Variants in RBMS3 observed in about 807,000 individuals in gnomAD.
The protein encoded by RBMS3 is RNA-binding motif, single-stranded-interacting protein 3.
RBMS3 carries 27 observed loss-of-function variants against 66.8 expected under a neutral mutation model. That is an observed-to-expected ratio of 0.40 (90% CI 0.30 to 0.56). RBMS3 has a LOEUF of 0.56. RBMS3 is among the 20% of genes least tolerant of loss of function. The pLI is 0.40. For synonymous variants in RBMS3, 188 were observed against 183.0 expected (o/e 1.03, Z -0.22); for missense variants, 513 against 549.5 (o/e 0.93, Z 0.66).
At chr3:29,923,029 C>T (rs1306732061) in intron 10 of RBMS3, among the ~76,000 whole-genome samples, 2 of 152,198 alleles carry the variant, frequency 1.3e-5, no homozygotes, top group Non-Finnish European at 2.9e-5. Context: ...GCTATTGCTT[C>T]ATTATCCCTT....
At chr3:29,790,582 A>T (rs1192621321) in intron 6 of RBMS3, among the ~76,000 whole-genome samples, 1 of 152,114 alleles carries the variant, frequency 6.6e-6, no homozygotes, top group Non-Finnish European at 1.5e-5. Flanking sequence ...GCCTACATAG[A>T]TGTCAGAGAT....
At chr3:29,778,776 C>T (rs2056515802) in intron 6 of RBMS3, among the ~76,000 whole-genome samples, 1 of 151,800 alleles carries the variant, frequency 6.6e-6, no homozygotes, top group Non-Finnish European at 1.5e-5. Context: ...GCAAGATTGG[C>T]TATGGATTAA....
chr3:29,504,658 G>T (rs879054060), intron 3 of RBMS3, among the ~76,000 whole-genome samples: 1 of 151,856 alleles, frequency 6.6e-6, no homozygotes, highest in Admixed American at 6.6e-5. Context: ...AATTTTTTGA[G>T]AAACCTCTAT....
intron 3 of RBMS3, among the ~76,000 whole-genome samples, chr3:29,537,842 A>C (rs916969273): frequency 2.0e-5 from 3 of 149,446 alleles, no homozygotes; most frequent in Admixed American, 6.6e-5. Context: ...AAAAAAAAGA[A>C]AGAAAGAAAA....
intron 2 of RBMS3, among the ~76,000 whole-genome samples, chr3:29,476,750 T>TA (rs200359213): frequency 4.1e-4 from 63 of 151,898 alleles, no homozygotes; most frequent in African/African-American, 1.2e-3. Flanking sequence ...ATGTAATTTT[T>TA]AAAAAAAAAT....
intron 4 of RBMS3, among the ~76,000 whole-genome samples, chr3:29,696,591 C>T (rs1283060934): frequency 2.0e-5 from 3 of 152,184 alleles, no homozygotes; most frequent in South Asian, 4.1e-4. Context: ...CTCTTTTCTG[C>T]ACGAAGGCCA....
intron 6 of RBMS3, among the ~76,000 whole-genome samples, chr3:29,853,462 A>T (rs1395427555): frequency 3.5e-5 from 4 of 113,322 alleles, no homozygotes; most frequent in African/African-American, 1.7e-4. Context: ...GCAAGATTTA[A>T]TAGAGTGAAA....
intron 6 of RBMS3, among the ~76,000 whole-genome samples, chr3:29,855,632 C>G (rs2059054419): frequency 6.6e-6 from 1 of 152,132 alleles, no homozygotes; most frequent in African/African-American, 2.4e-5. Flanking sequence ...TCCTGAGAGA[C>G]TTATTAAATA....
chr3:29,914,572 A>T (rs1445024897), intron 10 of RBMS3, among the ~76,000 whole-genome samples: 1 of 151,792 alleles, frequency 6.6e-6, no homozygotes. Context: ...AAATGCTTGC[A>T]TATGCCCCTT....
At chr3:29,704,991 C>T (rs1211382264) in intron 4 of RBMS3, among the ~76,000 whole-genome samples, 1 of 152,182 alleles carries the variant, frequency 6.6e-6, no homozygotes, top group African/African-American at 2.4e-5. Flanking sequence ...CATAATTAAA[C>T]TGTTACCGCA....
At chr3:29,601,937 C>A (rs1293363187) in intron 4 of RBMS3, among the ~76,000 whole-genome samples, 1 of 152,004 alleles carries the variant, frequency 6.6e-6, no homozygotes, top group Non-Finnish European at 1.5e-5. Context: ...TGTATTCCTT[C>A]CCCACCTTGG....
intron 4 of RBMS3, among the ~76,000 whole-genome samples, chr3:29,589,724 G>A (rs2047660396): frequency 1.3e-5 from 2 of 152,054 alleles, no homozygotes; most frequent in African/African-American, 4.8e-5. Context: ...AGTCTGCTGG[G>A]TGTGTGAAAC....
intron 6 of RBMS3, among the ~76,000 whole-genome samples, chr3:29,807,618 A>G (rs1249540274): frequency 6.6e-6 from 1 of 151,960 alleles, no homozygotes; most frequent in Non-Finnish European, 1.5e-5. Context: ...TTTTCAGTGT[A>G]CAATGCAGTA....
chr3:29,740,055 G>A (rs925912110), intron 5 of RBMS3, 178 bp downstream of exon 5: 10 of 468,846 alleles, frequency 2.1e-5, no homozygotes, highest in Non-Finnish European at 3.6e-5. Flanking sequence ...TAATTTCAAT[G>A]TAATTATAAA....
At chr3:29,363,799 TAAAAA>T (rs35770680) in intron 1 of RBMS3, among the ~76,000 whole-genome samples, 6 of 142,788 alleles carry the variant, frequency 4.2e-5, no homozygotes, top group Non-Finnish European at 7.6e-5. Flanking sequence ...CAAAAACAAT[TAAAAA>T]AAAAAAAAAA....
intron 10 of RBMS3, among the ~76,000 whole-genome samples, chr3:29,909,021 G>GA (rs1281910341): frequency 6.6e-6 from 1 of 151,854 alleles, no homozygotes; most frequent in Non-Finnish European, 1.5e-5. Context: ...GGGCTAAAAT[G>GA]AAAAAAGAGA....
At chr3:29,463,493 C>T (rs1298479936) in intron 2 of RBMS3, among the ~76,000 whole-genome samples, 1 of 152,002 alleles carries the variant, frequency 6.6e-6, no homozygotes, top group African/African-American at 2.4e-5. Flanking sequence ...CTCGCCATTG[C>T]TCCCTTTCCA....
chr3:29,758,358 G>A (rs990575466), intron 5 of RBMS3, among the ~76,000 whole-genome samples: 1 of 152,176 alleles, frequency 6.6e-6, no homozygotes, highest in Admixed American at 6.5e-5. Context: ...AGTTTTTAGG[G>A]AAGCCAATCA....
At chr3:29,976,188 C>T (rs527818038) in intron 12 of RBMS3, among the ~76,000 whole-genome samples, 34 of 151,890 alleles carry the variant, frequency 2.2e-4, no homozygotes, top group African/African-American at 6.5e-4. Context: ...TACAATAATT[C>T]TCTGTATTTC....
Sources: gnomAD v4.1 joint callset for allele counts (sites outside exome capture counted in the v4.1 genomes callset) on GRCh38, gnomAD v4.1.1 for gene constraint, MANE v1.5 for transcripts, NCBI Gene and HGNC (gene_info 2026-07-23, HGNC 2026-07-21) for gene names.